The following XAB2 variants were observed in gnomAD, a reference collection of about 807,000 sequenced individuals.
XAB2 encodes pre-mRNA-splicing factor SYF1.
Under a neutral mutation model 113.4 loss-of-function variants are expected in XAB2, and 57 were observed. The ratio of observed to expected loss-of-function variants is 0.50; its 90% CI spans 0.41 to 0.63. XAB2 has a LOEUF of 0.63. XAB2 is among the 20% of genes least tolerant of loss of function. The pLI, the probability that XAB2 is intolerant of heterozygous loss-of-function variation, is 0.00. For missense variants in XAB2, 1,037 were observed against 1,233.3 expected (o/e 0.84, Z 2.38); for synonymous variants, 497 against 498.8 (o/e 1.00, Z 0.05).
At position 7,627,858 on chromosome 19, in the gene XAB2, A is replaced by T. The variant is rs748734992; in HGVS notation, c.201-7T>A. 1.9e-6 allele frequency: 3 copies of T among 1,611,256 alleles called. No homozygotes were observed. The highest frequency in any genetic ancestry group is 2.5e-6 in the Non-Finnish European group (3 of 1,177,886). On this transcript the variant is annotated splice_region_variant and splice_polypyrimidine_tract_variant and intron_variant, in intron 2 of 18. Coordinates refer to ENST00000358368, the MANE Select transcript of XAB2 (RefSeq NM_020196.3). This position sits in a 1 kb window ranked among gnomAD's most constrained non-coding sequence, Gnocchi z 4.5. Reference sequence around the variant, plus strand: ...TCGGTACCAGAGTTTGTAGCTGGGGAATAGGAGGGGACAGATGCTGATCGG... The same window carrying T: ...TCGGTACCAGAGTTTGTAGCTGGGGTATAGGAGGGGACAGATGCTGATCGG...
intron 10 of XAB2, 30 bp from the exon 11 acceptor site, chr19:7,622,691 G>T (rs561718943): frequency 6.2e-7 from 1 of 1,612,112 alleles, no homozygotes; most frequent in Non-Finnish European, 8.5e-7. Context: ...CCGGGGAGGC[G>T]CTCAGGGGCT....
At chr19:7,621,771 C>G (rs770882051) in intron 12 of XAB2, 2 of 188,944 alleles carry the variant, frequency 1.1e-5, no homozygotes, top group Non-Finnish European at 2.2e-5. Context: ...CGCAACCCAC[C>G]CCCTGGACCC....
Position 7,623,031 on chromosome 19 carries a change from C to T in XAB2, c.1240-138G>A. The T allele has an allele frequency of 6.5e-7, 1 of 1,541,060 alleles. No individual in the cohort carries two copies. The highest frequency in any genetic ancestry group is 8.7e-7 in the Non-Finnish European group (1 of 1,144,192). On this transcript the variant is annotated intron_variant, in intron 9 of 18. Coordinates refer to ENST00000358368, the MANE Select transcript of XAB2 (RefSeq NM_020196.3). The surrounding 1 kb of genome is among the most constrained non-coding windows in gnomAD (Gnocchi z 4.6). ...ACACACACAGGCACACACATGCGTGCACATATGCATGCACCCAAATGCACA... is the reference window on the plus strand; with the variant it reads ...ACACACACAGGCACACACATGCGTGTACATATGCATGCACCCAAATGCACA...
chr19:7,624,590 CAG>C lies in XAB2; in HGVS notation c.823-147_823-146del. On this transcript the variant is annotated intron_variant, in intron 6 of 18. Transcript: ENST00000358368. The surrounding 1 kb of genome is among the most constrained non-coding windows in gnomAD (Gnocchi z 4.2). ...GCACCTCTGGGTAGTGACCCCAGGA[CAG>C]AGCCTCCGTGGAGCCTTCTCACCCC... 1 of 1,284,402 alleles carries C rather than the reference CAG, an allele frequency of 7.8e-7. No individual in the cohort carries two copies. The highest frequency in any genetic ancestry group is 1.1e-6 in the Non-Finnish European group (1 of 934,376). The allele number at this position is 1,284,402 out of a possible 1,614,324, so 79.6% of individuals were successfully genotyped here.
intron 16 of XAB2, 90 bp from the exon 17 acceptor site, chr19:7,620,165 G>C (rs2030999036): frequency 3.1e-6 from 5 of 1,592,658 alleles, no homozygotes; most frequent in Non-Finnish European, 4.3e-6. Flanking sequence ...TGATGGCCCA[G>C]CCCTCAAGGA....
chr19:7,623,624 A>T lies in XAB2; in HGVS notation c.1119+107T>A. 1 of 1,446,564 alleles carries T rather than the reference A, an allele frequency of 6.9e-7. No homozygotes were observed. The highest frequency in any genetic ancestry group is 1.4e-5 in the South Asian group (1 of 73,634). 89.6% of individuals were successfully genotyped at this position (1,446,564 alleles called of 1,614,324 possible). A position where few individuals can be genotyped will look rare whatever the true frequency, so the allele number is the denominator to read the frequency against. On this transcript the variant is annotated intron_variant, in intron 8 of 18. Transcript: ENST00000358368. This position sits in a 1 kb window ranked among gnomAD's most constrained non-coding sequence, Gnocchi z 4.6. ...AACAGGGGTGGAATTGGACCTACTA[A>T]GCAAAGTCAGGCCCCTAGAAGGTGA...
At position 7,624,176 on chromosome 19, in the gene XAB2, C is replaced by G; in HGVS notation, c.967+125G>C. On this transcript the variant is annotated intron_variant, in intron 7 of 18. Transcript: ENST00000358368. This position sits in a 1 kb window ranked among gnomAD's most constrained non-coding sequence, Gnocchi z 4.2. ...GACCCCCACACCCCCTGCATCCACT[C>G]AGCCTCCTTCCCTGCTGGCCCCCAG... 6.7e-7 allele frequency: 1 copy of G among 1,481,946 alleles called. No individual in the cohort carries two copies. The highest frequency in any genetic ancestry group is 1.7e-5 in the Admixed American group (1 of 57,166). The allele number at this position is 1,481,946 out of a possible 1,614,324, so 91.8% of individuals were successfully genotyped here.
Position 7,623,771 on chromosome 19 carries a change from C to T in XAB2, c.1079G>A (p.Trp360Ter). 6.2e-7 allele frequency: 1 copy of T among 1,611,748 alleles called. No individual in the cohort carries two copies. Among genetic ancestry groups the T allele is most frequent in the Non-Finnish European group, 8.5e-7 (1 of 1,179,470 alleles). Residue 360 changes from tryptophan to a stop codon, truncating the protein, a stop_gained, in exon 8 of 19, where the codon TGG becomes TAG. Transcript: ENST00000358368. LOFTEE classifies it high-confidence loss of function. The surrounding 1 kb of genome is among the most constrained non-coding windows in gnomAD (Gnocchi z 4.6). The part of the protein sequence containing the change: ...LRQNPHHVHE[W>*]HKRVALHQGR... ...CTGGTGCAGGGCGACACGCTTGTGC[C>T]ACTCGTGCACGTGGTGTGGGTTTTG...
rs1001554440 is a variant in XAB2, at chr19:7,628,678, C to T, written c.52-380G>A. Among the ~76,000 whole-genome samples, 6 of 152,248 alleles carry T rather than the reference C, an allele frequency of 3.9e-5. No individual in the cohort carries two copies. The highest frequency in any genetic ancestry group is 3.3e-4 in the Admixed American group (5 of 15,292). ...CCAGACCCCACTTCTTCAAAACGTG[C>T]CTCTTCCCAGACACCAGGCCTTTGG... On this transcript the variant is annotated intron_variant, in intron 1 of 18. Coordinates refer to ENST00000358368, the MANE Select transcript of XAB2 (RefSeq NM_020196.3). The surrounding 1 kb of genome is among the most constrained non-coding windows in gnomAD (Gnocchi z 4.6).
chr19:7,627,372 G>A lies in XAB2; in HGVS notation c.393C>T (p.Arg131=). The stretch of plus-strand genomic sequence containing the variant: ...GTGCCCGGAGGGCACGGTCGAAGGT[G>A]CGGCGGGTGTGTGTGACGCGCCCCT... The part of the protein sequence containing the change: ...MDQGRVTHTR[R]TFDRALRALP... Residue 131 remains arginine, a synonymous_variant, in exon 4 of 19, where the codon CGC becomes CGT. Coordinates refer to ENST00000358368, the MANE Select transcript of XAB2 (RefSeq NM_020196.3). This position sits in a 1 kb window ranked among gnomAD's most constrained non-coding sequence, Gnocchi z 4.5. The A allele has an allele frequency of 1.2e-6, 2 of 1,611,154 alleles. No homozygotes were observed. Among genetic ancestry groups the A allele is most frequent in the Non-Finnish European group, 1.7e-6 (2 of 1,179,090 alleles).
chr19:7,626,067 GGA>G (rs1568455162), intron 5 of XAB2, 23 bp from the exon 6 acceptor site: 2 of 1,608,452 alleles, frequency 1.2e-6, no homozygotes, highest in East Asian at 2.2e-5. Context: ...GGGCAGTGGG[GGA>G]GAGTCTCAGG....
chr19:7,625,148 C>T lies in XAB2; in HGVS notation c.823-703G>A, dbSNP rs1288149222. Among the ~76,000 whole-genome samples the T allele has an allele frequency of 6.6e-6, 1 of 152,244 alleles. No individual in the cohort carries two copies. Among genetic ancestry groups the T allele is most frequent in the East Asian group, 1.9e-4 (1 of 5,192 alleles). ...GGCCCCCTCTGCACCCACCTGCCCC[C>T]AGGCCATCCCCTGAGCTTGCCACTC... On this transcript the variant is annotated intron_variant, in intron 6 of 18. Coordinates refer to ENST00000358368, the MANE Select transcript of XAB2 (RefSeq NM_020196.3). The surrounding 1 kb of genome is among the most constrained non-coding windows in gnomAD (Gnocchi z 5.2).
At chr19:7,629,015 CA>C (rs2031201423) in intron 1 of XAB2, among the ~76,000 whole-genome samples, 1 of 152,198 alleles carries the variant, frequency 6.6e-6, no homozygotes, top group South Asian at 2.1e-4. Context: ...TCCACATCAC[CA>C]GGGTTCTTCT....
rs377540607 is a variant in XAB2, at chr19:7,621,216, G to A, written c.1699C>T (p.Arg567Cys). 13 of 1,612,926 alleles carry A rather than the reference G, an allele frequency of 8.1e-6. No individual in the cohort carries two copies. The highest frequency in any genetic ancestry group is 2.7e-5 in the African/African-American group (2 of 74,854). Reference sequence around the variant, plus strand: ...CGCTCCAGCTTGCGGCCCCCATAGCGGGCAATGAATTTGGTCAGGTAGGTG... The same window carrying A: ...CGCTCCAGCTTGCGGCCCCCATAGCAGGCAATGAATTTGGTCAGGTAGGTG... The part of the protein sequence containing the change: ...WSTYLTKFIA[R>C]YGGRKLERAR... The change falls in exon 13 of 19, where the codon CGC becomes TGC. Residue 567 changes from arginine (R) to cysteine (C), a missense_variant. Coordinates refer to ENST00000358368, the MANE Select transcript of XAB2 (RefSeq NM_020196.3).
rs760547666 is a variant in XAB2, at chr19:7,619,950, C to T, written c.2392G>A (p.Val798Met). ...CGTCCAAGGATCCGCCCTCACCTCA[C>T]GAACAGGATCTTGCTCTGGGCGCGC... ...PLRAQSKILF[V>M]RSDASREELA... Residue 798 changes from valine to methionine, a missense_variant, in exon 17 of 19, where the codon GTG (valine) becomes ATG (methionine). Physicochemically the swap from Val to Met is conservative, Grantham distance 21. Coordinates refer to ENST00000358368, the MANE Select transcript of XAB2 (RefSeq NM_020196.3). 1.2e-5 allele frequency: 20 copies of T among 1,611,164 alleles called. No homozygotes were observed. The East Asian group carries it at 1.3e-4, about 11-fold the overall frequency.
At position 7,627,703 on chromosome 19, in the gene XAB2, T is replaced by C. The variant is rs762532962; in HGVS notation, c.324+25A>G. ...CCATGGACTGAGCTCCACTTCCCGATTCATCCCCTCGCCGAGCCCCAAACC... is the reference window on the plus strand; with the variant it reads ...CCATGGACTGAGCTCCACTTCCCGACTCATCCCCTCGCCGAGCCCCAAACC... On this transcript the variant is annotated intron_variant, in intron 3 of 18. Coordinates refer to ENST00000358368, the MANE Select transcript of XAB2 (RefSeq NM_020196.3). This position sits in a 1 kb window ranked among gnomAD's most constrained non-coding sequence, Gnocchi z 4.5. 1 of 1,601,038 alleles carries C rather than the reference T, an allele frequency of 6.2e-7. No individual in the cohort carries two copies. Among genetic ancestry groups the C allele is most frequent in the South Asian group, 1.1e-5 (1 of 90,836 alleles).
Position 7,620,657 on chromosome 19 carries a change from C to T in XAB2, c.1984G>A (p.Glu662Lys), listed in dbSNP as rs746134402. 17 of 1,612,678 alleles carry T rather than the reference C, an allele frequency of 1.1e-5. No homozygotes were observed. The highest frequency in any genetic ancestry group is 8.0e-5 in the African/African-American group (6 of 74,916). ...YQKAIEVLSD[E>K]HAREMCLRFA... is the part of the protein sequence containing the mutation. ...CGCAGGCACATCTCACGCGCGTGCT[C>T]GTCCGACAGCACCTGGACACCGGGG... is the stretch of plus-strand genomic sequence containing the variant. Residue 662 changes from glutamate to lysine, a missense_variant, in exon 15 of 19, where the codon GAG (glutamate) becomes AAG (lysine). Transcript: ENST00000358368.
chr19:7,619,721 C>T (rs375485938), intron 18 of XAB2, 26 bp downstream of exon 18: 25 of 1,611,924 alleles, frequency 1.6e-5, no homozygotes, highest in Non-Finnish European at 2.0e-5. Context: ...GTAATGCCAC[C>T]GTCCCCGCCC....
At position 7,623,341 on chromosome 19, in the gene XAB2, G is replaced by C. The variant is rs765235420; in HGVS notation, c.1120-52C>G. 33 of 1,599,746 alleles carry C rather than the reference G, an allele frequency of 2.1e-5. No individual in the cohort carries two copies. The East Asian group carries it at 7.4e-4, about 36-fold the overall frequency. On this transcript the variant is annotated intron_variant, in intron 8 of 18. Transcript: ENST00000358368. The surrounding 1 kb of genome is among the most constrained non-coding windows in gnomAD (Gnocchi z 4.6). Reference sequence around the variant, plus strand: ...TAGGACTCAGGACCCTGCAGATGACGGTCGGGGCAGAGCTGTGGCTCTGAG... The same window carrying C: ...TAGGACTCAGGACCCTGCAGATGACCGTCGGGGCAGAGCTGTGGCTCTGAG...
Sources: gnomAD v4.1 joint callset for allele counts (sites outside exome capture counted in the v4.1 genomes callset) on GRCh38, gnomAD v4.1.1 for gene constraint, Gnocchi (gnomAD v3.1) non-coding constraint, MANE v1.5 for transcripts, NCBI Gene and HGNC (gene_info 2026-07-23, HGNC 2026-07-21) for gene names.